TAFA1: variants seen among roughly 807,000 people sequenced by gnomAD.
TAFA1 encodes TAFA chemokine like family member 1.
In TAFA1, 4 loss-of-function variants were observed where a neutral mutation model predicts 18.5. The observed-to-expected ratio is 0.22, with a 90% CI of 0.11 to 0.49. TAFA1 has a LOEUF of 0.49. Ranked by LOEUF, TAFA1 falls within the 20% of genes least tolerant of loss-of-function variation. The probability of loss-of-function intolerance (pLI) is 0.98; values close to 1 mark genes in which losing one functional copy is unlikely to be tolerated. For missense variants in TAFA1, 147 were observed against 169.0 expected (o/e 0.87, Z 0.72); for synonymous variants, 56 against 55.2 (o/e 1.01, Z -0.06).
At chr3:68,158,609 C>T (rs1007583) in intron 2 of TAFA1, among the ~76,000 whole-genome samples, 102,055 of 151,832 alleles carry the variant, frequency 0.67, 34,759 homozygotes, top group South Asian at 0.78. Context: ...ATATAAGGTA[C>T]AGTCATTGGC....
At chr3:68,336,603 A>T (rs1047618148) in intron 2 of TAFA1, among the ~76,000 whole-genome samples, 6 of 152,234 alleles carry the variant, frequency 3.9e-5, no homozygotes, top group African/African-American at 1.4e-4. Flanking sequence ...CTTGAAAGGT[A>T]TGAGGATGAA....
At chr3:68,063,249 C>T (rs568774538) in intron 2 of TAFA1, among the ~76,000 whole-genome samples, 4 of 152,222 alleles carry the variant, frequency 2.6e-5, no homozygotes, top group Admixed American at 6.5e-5. Context: ...CTCAGGGCTG[C>T]GGGTGATGAG....
At chr3:68,233,983 TGG>T (rs2107121541) in intron 2 of TAFA1, among the ~76,000 whole-genome samples, 1 of 152,194 alleles carries the variant, frequency 6.6e-6, no homozygotes. Flanking sequence ...AGAAAAGCAA[TGG>T]TAATTGTGGA....
At chr3:68,221,377 A>G (rs2066727951) in intron 2 of TAFA1, among the ~76,000 whole-genome samples, 1 of 152,200 alleles carries the variant, frequency 6.6e-6, no homozygotes, top group African/African-American at 2.4e-5. Context: ...GATCTTCCCT[A>G]CATACAACTC....
intron 2 of TAFA1, among the ~76,000 whole-genome samples, chr3:68,181,210 G>A (rs2066193972): frequency 6.6e-6 from 1 of 152,104 alleles, no homozygotes; most frequent in Non-Finnish European, 1.5e-5. Context: ...GAGAGACTCA[G>A]TCAGGTGGGG....
chr3:68,042,751 A>G (rs1417116546), intron 2 of TAFA1, among the ~76,000 whole-genome samples: 1 of 152,222 alleles, frequency 6.6e-6, no homozygotes, highest in Non-Finnish European at 1.5e-5. Flanking sequence ...GACATATCTT[A>G]GAATGGTAGT....
intron 2 of TAFA1, among the ~76,000 whole-genome samples, chr3:68,378,463 A>C (rs1386046717): frequency 6.6e-6 from 1 of 152,112 alleles, no homozygotes; most frequent in African/African-American, 2.4e-5. Flanking sequence ...GAAGTAACTA[A>C]TTTGCTTTTG....
chr3:68,529,668 G>C (rs1559707408), intron 3 of TAFA1, among the ~76,000 whole-genome samples: 1 of 152,132 alleles, frequency 6.6e-6, no homozygotes, highest in Non-Finnish European at 1.5e-5. Context: ...GAAGGTGAAG[G>C]GGAGCTGTGT....
intron 2 of TAFA1, among the ~76,000 whole-genome samples, chr3:68,015,551 G>A (rs1344897379): frequency 6.6e-6 from 1 of 152,074 alleles, no homozygotes; most frequent in Non-Finnish European, 1.5e-5. Context: ...GCCTCCCAAC[G>A]TGCTGGGATT....
chr3:68,253,302 A>T (rs977190085), intron 2 of TAFA1, among the ~76,000 whole-genome samples: 2 of 152,180 alleles, frequency 1.3e-5, no homozygotes, highest in African/African-American at 4.8e-5. Context: ...CAAAATGAAC[A>T]TGCTTTTTAC....
chr3:68,187,954 A>G (rs144902443), intron 2 of TAFA1, among the ~76,000 whole-genome samples: 2 of 152,062 alleles, frequency 1.3e-5, no homozygotes, highest in African/African-American at 4.8e-5. Flanking sequence ...CCATTGGGAT[A>G]TTCTGTTTAA....
upstream of TAFA1, among the ~76,000 whole-genome samples, chr3:68,002,873 A>G (rs547425724): frequency 6.6e-6 from 1 of 152,316 alleles, no homozygotes; most frequent in South Asian, 2.1e-4. Context: ...GTTGGTAAAA[A>G]GAATTAAATT....
chr3:68,086,325 G>C (rs2064969652), intron 2 of TAFA1, among the ~76,000 whole-genome samples: 1 of 152,180 alleles, frequency 6.6e-6, no homozygotes, highest in African/African-American at 2.4e-5. Flanking sequence ...AGAATACAGG[G>C]TATCTTTAGG....
intron 2 of TAFA1, among the ~76,000 whole-genome samples, chr3:68,078,057 A>C (rs11924841): frequency 0.93 from 139,076 of 149,310 alleles, 64,884 homozygotes; most frequent in South Asian, 0.96. Context: ...TAGGTATTTT[A>C]TTCTCTTTGA....
chr3:68,017,741 G>A (rs1177255613), intron 2 of TAFA1, among the ~76,000 whole-genome samples: 1 of 152,192 alleles, frequency 6.6e-6, no homozygotes, highest in African/African-American at 2.4e-5. Flanking sequence ...ACTTCTGAGA[G>A]TTGAAAAACT....
In TAFA1 at chr3:68,037,115, C is replaced by T. The variant is rs186243849; in HGVS notation, c.118+30371C>T. On this transcript the variant is annotated intron_variant, in intron 2 of 4. Coordinates refer to ENST00000478136, the MANE Select transcript of TAFA1 (RefSeq NM_213609.4). Reference sequence around the variant, plus strand: ...GGGAAGAATGTAGAAATAATGGTAGCTGTGCTAAGTCTTGAAGAATGAGTG... The same window carrying T: ...GGGAAGAATGTAGAAATAATGGTAGTTGTGCTAAGTCTTGAAGAATGAGTG... Among the ~76,000 whole-genome samples, 129 of 152,210 alleles carry T rather than the reference C, an allele frequency of 8.5e-4. 1 individual carries two copies. In the Middle Eastern group the frequency reaches 0.014, roughly 16 times the overall value.
At chr3:68,040,380 CCTT>C (rs1705138383) in intron 2 of TAFA1, among the ~76,000 whole-genome samples, 1 of 152,124 alleles carries the variant, frequency 6.6e-6, no homozygotes, top group African/African-American at 2.4e-5. Flanking sequence ...CTCTCTGTAA[CCTT>C]CTCTCAAGGG....
intron 3 of TAFA1, among the ~76,000 whole-genome samples, chr3:68,537,999 G>C (rs1002502706): frequency 6.6e-6 from 1 of 152,086 alleles, no homozygotes; most frequent in Non-Finnish European, 1.5e-5. Context: ...TAGTTTGGTG[G>C]GCAGGGGGCT....
At chr3:68,174,222 T>C (rs1027086276) in intron 2 of TAFA1, among the ~76,000 whole-genome samples, 1 of 152,196 alleles carries the variant, frequency 6.6e-6, no homozygotes, top group Non-Finnish European at 1.5e-5. Context: ...GTTTAAAAGA[T>C]AATTGTGGTC....
Sources: allele counts gnomAD v4.1 joint callset (sites outside exome capture counted in the v4.1 genomes callset), GRCh38; gene constraint gnomAD v4.1.1; transcripts MANE v1.5; gene names NCBI Gene and HGNC (gene_info 2026-07-23, HGNC 2026-07-21).